Variants in CPM observed in about 807,000 individuals in gnomAD.
The protein encoded by CPM is renal carboxypeptidase.
CPM carries 35 observed loss-of-function variants against 46.4 expected under a neutral mutation model. The observed-to-expected ratio is 0.75, with a 90% confidence interval of 0.58 to 1.00. The LOEUF is 1.00. Ranked by LOEUF, CPM falls within the 50% of genes least tolerant of loss-of-function variation. The probability of loss-of-function intolerance (pLI) is 0.00; values close to 1 mark genes in which losing one functional copy is unlikely to be tolerated. For synonymous variants in CPM, 195 were observed against 195.3 expected (o/e 1.00, Z 0.01); for missense variants, 422 against 530.4 (o/e 0.80, Z 2.01).
chr12:68,895,875 T>C (rs1237176079), intron 2 of CPM, among the ~76,000 whole-genome samples: 1 of 152,196 alleles, frequency 6.6e-6, no homozygotes, highest in African/African-American at 2.4e-5. Flanking sequence ...CAAAATGAAG[T>C]CCAAATGAAA....
At position 68,900,896 on chromosome 12, in the gene CPM, C is replaced by T. The variant is rs151110962; in HGVS notation, c.161-15007G>A. Among the ~76,000 whole-genome samples the T allele has an allele frequency of 3.9e-5, 6 of 152,110 alleles. No homozygotes were observed. The East Asian group carries it at 9.7e-4, about 25-fold the overall frequency. ...AGGAGGGAAGGATGAAAAGATGGCA[C>T]ATAGGGTATTTAGGGCAGTGAAACT... is the stretch of plus-strand genomic sequence containing the variant. On this transcript the variant is annotated intron_variant, in intron 2 of 8. Transcript: ENST00000551568.
At chr12:68,844,219 AGTT>A (rs1246900105) in intron 5 of CPM, 2 of 210,794 alleles carry the variant, frequency 9.5e-6, no homozygotes, top group East Asian at 7.3e-5. Flanking sequence ...AATTTTTATG[AGTT>A]GTTAAAATAG....
intron 2 of CPM, among the ~76,000 whole-genome samples, chr12:68,896,835 T>C (rs1886893183): frequency 6.6e-6 from 1 of 152,180 alleles, no homozygotes; most frequent in Non-Finnish European, 1.5e-5. Context: ...AGGTTCCATT[T>C]CATTTCTTCC....
intron 1 of CPM, among the ~76,000 whole-genome samples, chr12:68,950,890 A>G (rs1478056316): frequency 6.6e-6 from 1 of 152,198 alleles, no homozygotes; most frequent in Non-Finnish European, 1.5e-5. Context: ...CTCCAACTTC[A>G]TGTCCATCTT....
chr12:68,870,596 T>C (rs1261285882), intron 4 of CPM, among the ~76,000 whole-genome samples, 197 bp from the exon 5 acceptor site: 1 of 152,202 alleles, frequency 6.6e-6, no homozygotes, highest in Non-Finnish European at 1.5e-5. Flanking sequence ...CGTGATCTGC[T>C]CTCACCAATG....
At chr12:68,928,993 C>A (rs1432627821) in intron 2 of CPM, among the ~76,000 whole-genome samples, 2 of 151,610 alleles carry the variant, frequency 1.3e-5, no homozygotes, top group Non-Finnish European at 2.9e-5. Flanking sequence ...TAGACGTGAG[C>A]CACCACACCC....
intron 3 of CPM, among the ~76,000 whole-genome samples, chr12:68,872,586 T>C (rs1213976928): frequency 6.6e-6 from 1 of 152,156 alleles, no homozygotes; most frequent in Non-Finnish European, 1.5e-5. Flanking sequence ...TTTCATTTGG[T>C]TGCCTTCCAA....
intron 2 of CPM, among the ~76,000 whole-genome samples, chr12:68,898,920 T>C (rs117803512): frequency 6.6e-6 from 1 of 152,310 alleles, no homozygotes; most frequent in East Asian, 1.9e-4. Context: ...CCAGAAACAT[T>C]GTAAGCACGT....
chr12:68,923,158 A>AGTGTGTGTGT (rs1491362513), intron 2 of CPM, among the ~76,000 whole-genome samples: 7 of 131,902 alleles, frequency 5.3e-5, no homozygotes, highest in African/African-American at 2.1e-4. Flanking sequence ...TATTTGATAT[A>AGTGTGTGTGT]GAGTGTGTGT....
chr12:68,853,694 A>G lies in CPM; in HGVS notation c.*2743T>C, dbSNP rs1884828765. The G allele has an allele frequency of 6.6e-6, 1 of 151,816 alleles. No homozygotes were observed. The highest frequency in any genetic ancestry group is 2.1e-4 in the South Asian group (1 of 4,806). 9.4% of individuals were successfully genotyped at this position (151,816 alleles called of 1,614,324 possible). On this transcript the variant is annotated 3_prime_UTR_variant, in exon 9 of 9. Coordinates refer to ENST00000551568, the MANE Select transcript of CPM (RefSeq NM_198320.5). ...ACACTTCTAGAAATCAGCCTATATT[A>G]CTGTCACACTGGGGATTAAGTAAAA...
At chr12:68,876,784 T>C (rs1224606222) in intron 3 of CPM, among the ~76,000 whole-genome samples, 1 of 152,142 alleles carries the variant, frequency 6.6e-6, no homozygotes, top group African/African-American at 2.4e-5. Flanking sequence ...CAAATGAGTG[T>C]TCTGGTTCTT....
At chr12:68,908,667 C>G (rs1887453261) in intron 2 of CPM, among the ~76,000 whole-genome samples, 1 of 151,904 alleles carries the variant, frequency 6.6e-6, no homozygotes, top group African/African-American at 2.4e-5. Flanking sequence ...AAACTAAAAC[C>G]ATAAAAATAT....
intron 7 of CPM, among the ~76,000 whole-genome samples, chr12:68,863,442 C>A (rs1885296229): frequency 6.6e-6 from 1 of 152,146 alleles, no homozygotes; most frequent in Non-Finnish European, 1.5e-5. Flanking sequence ...TGCCGACACC[C>A]TCATCTCAAC....
At position 68,858,903 on chromosome 12, in the gene CPM, A is replaced by T; in HGVS notation, c.1089+20T>A. 7.2e-7 allele frequency: 1 copy of T among 1,386,532 alleles called. No homozygotes were observed. Among genetic ancestry groups the T allele is most frequent in the Non-Finnish European group, 9.6e-7 (1 of 1,046,622 alleles). 85.9% of individuals were successfully genotyped at this position (1,386,532 alleles called of 1,614,324 possible). A position where few individuals can be genotyped will look rare whatever the true frequency, so the allele number is the denominator to read the frequency against. On this transcript the variant is annotated intron_variant, in intron 8 of 8. Transcript: ENST00000551568. ...AGTTCTATAATATTTTAATAACAAT[A>T]ACTAGCATTGCATACTTACATTTAT...
At chr12:68,876,885 C>G (rs755122408) in intron 3 of CPM, among the ~76,000 whole-genome samples, 1 of 139,156 alleles carries the variant, frequency 7.2e-6, no homozygotes, top group Admixed American at 7.6e-5. Flanking sequence ...TGTGTGTGCA[C>G]GCGCATGCGT....
At chr12:68,910,977 A>C (rs1887571027) in intron 2 of CPM, among the ~76,000 whole-genome samples, 1 of 152,228 alleles carries the variant, frequency 6.6e-6, no homozygotes, top group African/African-American at 2.4e-5. Flanking sequence ...GATGAAAAAA[A>C]AATACCTTGT....
upstream of CPM, among the ~76,000 whole-genome samples, chr12:68,937,678 A>C (rs756559550): frequency 6.6e-6 from 1 of 151,900 alleles, no homozygotes; most frequent in African/African-American, 2.4e-5. Context: ...GATAAAGCAA[A>C]CAAAAAAAAA....
rs542005461 is a variant in CPM at position 68,870,321 on chromosome 12, T to C, written c.510A>G (p.Glu170=). The C allele has an allele frequency of 1.2e-6, 2 of 1,614,096 alleles. No individual in the cohort carries two copies. Among genetic ancestry groups the C allele is most frequent in the African/African-American group, 2.7e-5 (2 of 74,916 alleles). The change falls in exon 5 of 9, where the codon GAA becomes GAG. Residue 170 remains glutamate (E), a synonymous_variant. Coordinates refer to ENST00000551568, the MANE Select transcript of CPM (RefSeq NM_198320.5). Reference sequence around the variant, plus strand: ...TCAGCCACTTCATGACTGCCACAGTTTCAGGCTGCCTTGAGACATTATTAT... The same window carrying C: ...TCAGCCACTTCATGACTGCCACAGTCTCAGGCTGCCTTGAGACATTATTAT... The part of the protein sequence containing the change: ...FEYNNVSRQP[E]TVAVMKWLKT...
At chr12:68,922,572 A>G (rs1888081373) in intron 2 of CPM, among the ~76,000 whole-genome samples, 1 of 151,794 alleles carries the variant, frequency 6.6e-6, no homozygotes, top group Non-Finnish European at 1.5e-5. Flanking sequence ...AGTGCGTGAT[A>G]ACTCTGTGAA....
Sources: gnomAD v4.1 joint callset for allele counts (sites outside exome capture counted in the v4.1 genomes callset) on GRCh38, gnomAD v4.1.1 for gene constraint, MANE v1.5 for transcripts, NCBI Gene and HGNC (gene_info 2026-07-23, HGNC 2026-07-21) for gene names.